WDR20: variants seen among roughly 807,000 people sequenced by gnomAD.
The protein encoded by WDR20 is WD repeat domain 20.
A neutral mutation model predicts 38.7 loss-of-function variants in WDR20; 3 were observed. The ratio of observed to expected loss-of-function variants is 0.08; its 90% CI spans 0.04 to 0.20. The LOEUF is 0.20. WDR20 is among the 10% of genes least tolerant of loss of function. The pLI is 1.00. For synonymous variants in WDR20, 298 were observed against 285.6 expected, an observed-to-expected ratio of 1.04 and a Z score of -0.44; for missense variants, 559 against 727.7, an observed-to-expected ratio of 0.77 and a Z score of 2.67.
chr14:102,177,313 T>G (rs1304141525), intron 1 of WDR20, among the ~76,000 whole-genome samples: 2 of 152,204 alleles, frequency 1.3e-5, no homozygotes, highest in African/African-American at 4.8e-5. Context: ...GTATTTTACT[T>G]CTTACGTTTA....
intron 2 of WDR20, 66 bp downstream of exon 2, chr14:102,195,186 A>G: frequency 1.3e-6 from 2 of 1,555,366 alleles, no homozygotes; most frequent in Non-Finnish European, 1.7e-6. Flanking sequence ...TACCGAGGGT[A>G]GTCGGCCTTA....
chr14:102,146,073 T>A (rs2053549737), intron 1 of WDR20, among the ~76,000 whole-genome samples: 1 of 152,066 alleles, frequency 6.6e-6, no homozygotes, highest in Admixed American at 6.6e-5. Flanking sequence ...CTACTTGATT[T>A]GGAATTGAGA....
At chr14:102,214,801 G>A (rs1290812610), downstream of WDR20, 1 of 978,652 alleles carries the variant, frequency 1.0e-6, no homozygotes, top group Non-Finnish European at 1.2e-6. Flanking sequence ...CTTTACTGTT[G>A]CAATAATTAA....
At chr14:102,192,675 C>T (rs2058709396) in intron 1 of WDR20, among the ~76,000 whole-genome samples, 1 of 152,176 alleles carries the variant, frequency 6.6e-6, no homozygotes, top group Non-Finnish European at 1.5e-5. Context: ...TTTACTTCCT[C>T]TGTTGTTTCT....
In WDR20 at chr14:102,209,664, T is replaced by C; in HGVS notation, c.1494T>C (p.Val498=). 1.9e-6 allele frequency: 3 copies of C among 1,614,174 alleles called. No individual in the cohort carries two copies. Among genetic ancestry groups the C allele is most frequent in the Non-Finnish European group, 2.5e-6 (3 of 1,180,026 alleles). Residue 498 remains valine, a synonymous_variant, in exon 3 of 3, where the codon GTT becomes GTC. Transcript: ENST00000342702. The surrounding 1 kb of genome is among the most constrained non-coding windows in gnomAD (Gnocchi z 6.0). ...SSKSSDKLNL[V]TKTKTDPAKT... ...AGAGCAGTGACAAACTGAATCTAGT[T>C]ACCAAAACCAAAACGGACCCTGCTA... is the stretch of plus-strand genomic sequence containing the variant.
intron 1 of WDR20, among the ~76,000 whole-genome samples, chr14:102,150,475 A>C (rs1390853445): frequency 6.6e-6 from 1 of 152,228 alleles, no homozygotes; most frequent in Non-Finnish European, 1.5e-5. Context: ...CATCTCAAAA[A>C]AAAGTAAGAA....
chr14:102,158,637 C>T (rs989093807), intron 1 of WDR20, among the ~76,000 whole-genome samples: 16 of 152,024 alleles, frequency 1.1e-4, no homozygotes, highest in Non-Finnish European at 1.8e-4. Context: ...TCTTCAATAA[C>T]CTACTTCCCT....
rs371715087 is a variant in WDR20, at chr14:102,220,846, GCAC to G, written c.1693-1982_1693-1980del. Among the ~76,000 whole-genome samples the G allele has an allele frequency of 1.3e-5, 2 of 151,844 alleles. No individual in the cohort carries two copies. Among genetic ancestry groups the G allele is most frequent in the African/African-American group, 4.8e-5 (2 of 41,300 alleles). ...GGAGTGCAGTGGATCGCGGCTCATT[GCAC>G]CCTGCATCTCCTGGGCTCAAGCCAT... On this transcript the variant is annotated intron_variant, in intron 3 of 3. Transcript: ENST00000335263. This position sits in a 1 kb window ranked among gnomAD's most constrained non-coding sequence, Gnocchi z 4.2.
chr14:102,144,417 G>C (rs2052778466), intron 1 of WDR20, among the ~76,000 whole-genome samples: 1 of 151,666 alleles, frequency 6.6e-6, no homozygotes, highest in Non-Finnish European at 1.5e-5. Context: ...TGGAGTCGGA[G>C]GTTGCAGTGA....
intron 1 of WDR20, among the ~76,000 whole-genome samples, chr14:102,143,778 C>T (rs1195246700): frequency 1.3e-5 from 2 of 151,792 alleles, no homozygotes; most frequent in African/African-American, 4.8e-5. Flanking sequence ...CTCCTGACCT[C>T]GTGATCCACC....
chr14:102,212,736 C>T (rs989199308), downstream of WDR20: 6 of 1,424,140 alleles, frequency 4.2e-6, no homozygotes, highest in Non-Finnish European at 5.5e-6. Flanking sequence ...GTGTAAGGTG[C>T]AATGCGTGCT....
chr14:102,176,946 C>A (rs1337773070), intron 1 of WDR20, among the ~76,000 whole-genome samples: 1 of 152,064 alleles, frequency 6.6e-6, no homozygotes, highest in Admixed American at 6.6e-5. Context: ...CAGGCTGGTC[C>A]TGCACTCCCA....
chr14:102,184,106 A>G (rs2063987699), intron 1 of WDR20, among the ~76,000 whole-genome samples: 1 of 152,230 alleles, frequency 6.6e-6, no homozygotes, highest in Non-Finnish European at 1.5e-5. Context: ...AAAATAGGTC[A>G]TTTGAATATG....
chr14:102,210,402 G>A lies in WDR20; in HGVS notation c.*522G>A, dbSNP rs892539090. On this transcript the variant is annotated 3_prime_UTR_variant, in exon 3 of 3. Transcript: ENST00000342702. The stretch of plus-strand genomic sequence containing the variant: ...CTTTAGGAACAAAACGTTTAGCAGG[G>A]TTGATTGATATTATTTTTACATTGT... 1 of 985,356 alleles carries A rather than the reference G, an allele frequency of 1.0e-6. No individual in the cohort carries two copies. Among genetic ancestry groups the A allele is most frequent in the African/African-American group, 1.7e-5 (1 of 57,210 alleles). 61.0% of individuals were successfully genotyped at this position (985,356 alleles called of 1,614,324 possible).
At chr14:102,143,320 A>G (rs2052174888) in intron 1 of WDR20, among the ~76,000 whole-genome samples, 1 of 151,866 alleles carries the variant, frequency 6.6e-6, no homozygotes, top group Admixed American at 6.6e-5. Context: ...ACATCTTTTC[A>G]CAATCGAGGA....
chr14:102,174,490 G>T (rs1159147491), intron 1 of WDR20, among the ~76,000 whole-genome samples: 1 of 152,174 alleles, frequency 6.6e-6, no homozygotes, highest in Non-Finnish European at 1.5e-5. Context: ...CACAATCTCG[G>T]CTCACTGCAA....
chr14:102,156,928 TTGAG>T (rs1367190729), intron 1 of WDR20, among the ~76,000 whole-genome samples: 2 of 151,812 alleles, frequency 1.3e-5, no homozygotes, highest in South Asian at 2.1e-4. Flanking sequence ...GAGGCGGAGG[TTGAG>T]TGAGCGGAGA....
At chr14:102,192,181 A>T (rs1025546879) in intron 1 of WDR20, among the ~76,000 whole-genome samples, 1 of 143,158 alleles carries the variant, frequency 7.0e-6, no homozygotes, top group Non-Finnish European at 1.5e-5. Context: ...ATTTACCTGA[A>T]TTTTTTTTTT....
At chr14:102,218,757 C>G (rs74594222), downstream of WDR20, among the ~76,000 whole-genome samples, 861 of 152,314 alleles carry the variant, frequency 5.7e-3, 6 homozygotes, top group Non-Finnish European at 9.8e-3. Flanking sequence ...GTTCCTCTCA[C>G]GGTGTGGGGG....
Sources: allele counts gnomAD v4.1 joint callset (sites outside exome capture counted in the v4.1 genomes callset), GRCh38; gene constraint gnomAD v4.1.1; non-coding constraint Gnocchi (gnomAD v3.1); transcripts MANE v1.5; gene names NCBI Gene and HGNC (gene_info 2026-07-23, HGNC 2026-07-21).